The following NFIA variants were observed in gnomAD, a reference collection of about 807,000 sequenced individuals.
The protein encoded by NFIA is nuclear factor 1 A-type.
In NFIA, 8 loss-of-function variants were observed where a neutral mutation model predicts 62.8. The observed-to-expected ratio is 0.13, with a 90% CI of 0.07 to 0.23. NFIA has a LOEUF of 0.23. Among genes scored for constraint, NFIA ranks in the 10% least tolerant of loss-of-function variants. The pLI, the probability that NFIA is intolerant of heterozygous loss-of-function variation, is 1.00. For missense variants in NFIA, 410 were observed against 642.1 expected, an observed-to-expected ratio of 0.64 and a Z score of 3.91; for synonymous variants, 235 against 238.1, an observed-to-expected ratio of 0.99 and a Z score of 0.12.
chr1:61,287,315 G>T (rs961037140), intron 3 of NFIA, among the ~76,000 whole-genome samples: 1 of 152,090 alleles, frequency 6.6e-6, no homozygotes, highest in African/African-American at 2.4e-5. Flanking sequence ...GTTTTCCCTC[G>T]TGCATATTAC....
At chr1:61,452,266 T>C (rs1371131716) in intron 10 of NFIA, among the ~76,000 whole-genome samples, 2 of 151,124 alleles carry the variant, frequency 1.3e-5, no homozygotes, top group Admixed American at 6.6e-5. Context: ...TTATTATTAT[T>C]ATTATTATTA....
chr1:61,252,096 G>A (rs1475775838), intron 2 of NFIA, among the ~76,000 whole-genome samples: 3 of 152,156 alleles, frequency 2.0e-5, no homozygotes, highest in Non-Finnish European at 4.4e-5. Flanking sequence ...CAAGCATTAT[G>A]CATCAAACAT....
At chr1:61,245,591 C>T (rs1345478410) in intron 2 of NFIA, among the ~76,000 whole-genome samples, 2 of 152,034 alleles carry the variant, frequency 1.3e-5, no homozygotes, top group South Asian at 2.1e-4. Context: ...ATACTGATCT[C>T]ATTATATTCT....
At chr1:61,268,208 A>G (rs1172601413) in intron 2 of NFIA, among the ~76,000 whole-genome samples, 5 of 152,202 alleles carry the variant, frequency 3.3e-5, no homozygotes, top group African/African-American at 1.2e-4. Flanking sequence ...TTACCCAACC[A>G]CAGAATCTTC....
chr1:61,439,343 C>T (rs181156518), intron 10 of NFIA: 11 of 152,394 alleles, frequency 7.2e-5, no homozygotes, highest in African/African-American at 2.4e-4. Context: ...TTGTTCTCTC[C>T]TGCCCCCTCC....
At chr1:61,085,137 C>T (rs1286414424) in intron 1 of NFIA, among the ~76,000 whole-genome samples, 2 of 151,904 alleles carry the variant, frequency 1.3e-5, no homozygotes, top group Non-Finnish European at 2.9e-5. Context: ...TCAGTAAGCA[C>T]AGTGATTTCT....
At chr1:61,340,970 A>G (rs1167584460) in intron 4 of NFIA, among the ~76,000 whole-genome samples, 1 of 151,992 alleles carries the variant, frequency 6.6e-6, no homozygotes, top group Non-Finnish European at 1.5e-5. Context: ...TCTCGTGGAT[A>G]GCAGAATGTT....
chr1:61,199,258 TAAC>T (rs996812297), intron 2 of NFIA, among the ~76,000 whole-genome samples: 2 of 152,126 alleles, frequency 1.3e-5, no homozygotes, highest in African/African-American at 4.8e-5. Flanking sequence ...TGGAAAACAG[TAAC>T]AACAAAATTT....
chr1:61,222,599 G>T (rs1249405670), intron 2 of NFIA, among the ~76,000 whole-genome samples: 1 of 152,020 alleles, frequency 6.6e-6, no homozygotes, highest in Non-Finnish European at 1.5e-5. Flanking sequence ...TTAATGATGG[G>T]TATTTAGAGT....
chr1:61,376,168 T>C (rs1664141118), intron 6 of NFIA, among the ~76,000 whole-genome samples: 1 of 152,182 alleles, frequency 6.6e-6, no homozygotes, highest in Non-Finnish European at 1.5e-5. Flanking sequence ...CTCGGGGGCC[T>C]TCCTTGATTT....
intron 1 of NFIA, among the ~76,000 whole-genome samples, chr1:61,086,054 CA>C (rs781706106): frequency 1.3e-5 from 2 of 152,120 alleles, no homozygotes; most frequent in Non-Finnish European, 2.9e-5. Context: ...AACATTTTAA[CA>C]TAGATATGAA....
chr1:61,169,637 T>A (rs1004914522), intron 2 of NFIA, among the ~76,000 whole-genome samples: 11 of 152,210 alleles, frequency 7.2e-5, no homozygotes, highest in African/African-American at 2.4e-4. Flanking sequence ...CGATATTTAC[T>A]AAATGCCCCT....
chr1:61,397,777 G>T (rs1045002527), intron 7 of NFIA, among the ~76,000 whole-genome samples: 1 of 152,106 alleles, frequency 6.6e-6, no homozygotes, highest in Non-Finnish European at 1.5e-5. Flanking sequence ...CCAAAGCCCT[G>T]GTCCTTATAT....
At chr1:61,218,725 G>A (rs1171510709) in intron 2 of NFIA, among the ~76,000 whole-genome samples, 2 of 152,082 alleles carry the variant, frequency 1.3e-5, no homozygotes, top group African/African-American at 2.4e-5. Flanking sequence ...ATTTCAGTGG[G>A]CGTATAGTAT....
intron 2 of NFIA, among the ~76,000 whole-genome samples, chr1:61,095,368 T>TA (rs1325091432): frequency 1.3e-5 from 2 of 152,232 alleles, no homozygotes; most frequent in Non-Finnish European, 2.9e-5. Context: ...CGGATGAGGA[T>TA]AGACTCTTCA....
chr1:61,236,886 CA>C (rs1452636516), intron 2 of NFIA, among the ~76,000 whole-genome samples: 18 of 152,050 alleles, frequency 1.2e-4, no homozygotes, highest in Non-Finnish European at 2.5e-4. Context: ...AAGAAGAAAA[CA>C]GAACAACCTC....
At chr1:61,437,816 A>G (rs1450781288) in intron 10 of NFIA, among the ~76,000 whole-genome samples, 1 of 152,276 alleles carries the variant, frequency 6.6e-6, no homozygotes, top group African/African-American at 2.4e-5. Context: ...CAGTGCATGC[A>G]AAGGAACAGC....
At chr1:61,373,119 A>G (rs1226830987) in intron 6 of NFIA, among the ~76,000 whole-genome samples, 1 of 152,094 alleles carries the variant, frequency 6.6e-6, no homozygotes, top group Admixed American at 6.6e-5. Context: ...CTAGCTTCCC[A>G]CTTTCTCTGT....
chr1:61,183,154 T>G (rs1216826415), intron 2 of NFIA, among the ~76,000 whole-genome samples: 3 of 152,320 alleles, frequency 2.0e-5, no homozygotes, highest in South Asian at 4.1e-4. Context: ...TTTAAAATAT[T>G]TTGTTGCAGC....
Sources: gnomAD v4.1 joint callset for allele counts (sites outside exome capture counted in the v4.1 genomes callset) on GRCh38, gnomAD v4.1.1 for gene constraint, MANE v1.5 for transcripts, NCBI Gene and HGNC (gene_info 2026-07-23, HGNC 2026-07-21) for gene names.